The following CPA3 variants were observed in gnomAD, a reference collection of about 807,000 sequenced individuals.
CPA3 encodes the protein carboxypeptidase A3.
CPA3 carries 52 observed loss-of-function variants against 55.8 expected under a neutral mutation model. That is an observed-to-expected ratio of 0.93 (90% CI 0.75 to 1.17). The LOEUF (loss-of-function observed/expected upper bound fraction) is 1.17. Ranked by LOEUF, CPA3 falls within the 50% of genes most tolerant of loss-of-function variation. CPA3 has a pLI of 0.00. For synonymous variants in CPA3, 179 were observed against 171.2 expected, an observed-to-expected ratio of 1.05 and a Z score of -0.36; for missense variants, 547 against 509.1, an observed-to-expected ratio of 1.07 and a Z score of -0.72.
intron 10 of CPA3, among the ~76,000 whole-genome samples, chr3:148,888,634 G>A (rs972367051): frequency 2.0e-5 from 3 of 152,250 alleles, no homozygotes; most frequent in Non-Finnish European, 4.4e-5. Flanking sequence ...TGGCCACCCA[G>A]ACACCACATG....
chr3:148,893,995 C>T (rs751088046), intron 10 of CPA3, among the ~76,000 whole-genome samples: 1 of 152,128 alleles, frequency 6.6e-6, no homozygotes, highest in Admixed American at 6.5e-5. Flanking sequence ...ATGTGTGCCC[C>T]GCACACCTAC....
intron 9 of CPA3, among the ~76,000 whole-genome samples, chr3:148,884,659 G>A (rs1714477147): frequency 6.6e-6 from 1 of 151,998 alleles, no homozygotes; most frequent in Admixed American, 6.6e-5. Flanking sequence ...ATGTTAATTG[G>A]AGCAGAGACC....
chr3:148,871,473 T>A (rs1714066170), intron 3 of CPA3, among the ~76,000 whole-genome samples: 1 of 152,122 alleles, frequency 6.6e-6, no homozygotes, highest in African/African-American at 2.4e-5. Context: ...AATAGTGGAG[T>A]AAATCACTGT....
At chr3:148,892,694 C>T (rs1028704104) in intron 10 of CPA3, among the ~76,000 whole-genome samples, 2 of 151,342 alleles carry the variant, frequency 1.3e-5, no homozygotes, top group South Asian at 4.2e-4. Context: ...CAAAGCAAAA[C>T]TGTCTGGGTG....
chr3:148,870,509 T>A (rs1462484960), intron 3 of CPA3, among the ~76,000 whole-genome samples: 1 of 152,212 alleles, frequency 6.6e-6, no homozygotes, highest in Non-Finnish European at 1.5e-5. Context: ...ATTCACGGCT[T>A]TAAAGATAAC....
intron 6 of CPA3, among the ~76,000 whole-genome samples, chr3:148,881,262 C>T (rs1714358093): frequency 6.6e-6 from 1 of 152,142 alleles, no homozygotes; most frequent in Non-Finnish European, 1.5e-5. Context: ...TCTCATGCTA[C>T]ATTTGGAATG....
chr3:148,870,674 T>G (rs1210564731), intron 3 of CPA3, among the ~76,000 whole-genome samples: 1 of 151,916 alleles, frequency 6.6e-6, no homozygotes, highest in Non-Finnish European at 1.5e-5. Flanking sequence ...TATATATTTA[T>G]AAAAAAAACT....
chr3:148,883,885 T>C (rs1341859355), intron 9 of CPA3, 70 bp downstream of exon 9: 2 of 1,124,652 alleles, frequency 1.8e-6, no homozygotes, highest in Non-Finnish European at 1.3e-6. Flanking sequence ...CTTCATTAAC[T>C]TGGGTATGTT....
Position 148,896,680 on chromosome 3 carries a change from C to T in CPA3, c.1227C>T (p.Ala409=), listed in dbSNP as rs1476504654. The change falls in exon 11 of 11, where the codon GCC becomes GCT. Residue 409 remains alanine (A), a synonymous_variant. Coordinates refer to ENST00000296046, the MANE Select transcript of CPA3 (RefSeq NM_001870.4). ...CCATGCTAGCTGTCAAATTTATTGC[C>T]AAGTATATCCTCAAGCATACTTCCT... ...RETMLAVKFI[A]KYILKHTS is the part of the protein sequence containing the mutation. The T allele has an allele frequency of 5.8e-6, 9 of 1,548,246 alleles. No homozygotes were observed. Among genetic ancestry groups the T allele is most frequent in the Non-Finnish European group, 8.0e-6 (9 of 1,131,114 alleles).
At chr3:148,896,427 AT>A (rs992942238) in intron 10 of CPA3, 92 bp from the exon 11 acceptor site, 69 of 1,090,060 alleles carry the variant, frequency 6.3e-5, no homozygotes, top group African/African-American at 5.6e-4. Context: ...ACACATAACT[AT>A]TTTTTATTGC....
rs531490282 is a variant in CPA3, at chr3:148,893,793, C to G, written c.1067-2727C>G. Among the ~76,000 whole-genome samples the G allele has an allele frequency of 6.6e-5, 10 of 152,264 alleles. No individual in the cohort carries two copies. The South Asian group carries it at 2.1e-3, about 32-fold the overall frequency. ...GTAAAAGGAATCAGACAGAAATGAT[C>G]TAGAGTTAAAAACAGTTCCAGTGAC... is the stretch of plus-strand genomic sequence containing the variant. On this transcript the variant is annotated intron_variant, in intron 10 of 10. Coordinates refer to ENST00000296046, the MANE Select transcript of CPA3 (RefSeq NM_001870.4).
rs763766372 is a variant in CPA3 at position 148,886,156 on chromosome 3, G to A, written c.1045G>A (p.Gly349Ser). 2 of 1,611,140 alleles carry A rather than the reference G, an allele frequency of 1.2e-6. No individual in the cohort carries two copies. Among genetic ancestry groups the A allele is most frequent in the Non-Finnish European group, 1.7e-6 (2 of 1,178,130 alleles). ...STRYETRYIY[G>S]PIESTIYPIS... ...TCGATATGAAACCCGCTACATCTAT[G>A]GCCCAATAGAATCAACAATTTGTAA... Residue 349 changes from glycine (G) to serine (S), a missense_variant, in exon 10 of 11, where the codon GGC becomes AGC. Coordinates refer to ENST00000296046, the MANE Select transcript of CPA3 (RefSeq NM_001870.4).
Position 148,882,582 on chromosome 3 carries a change from T to C in CPA3, c.765T>C (p.Asn255=). The C allele has an allele frequency of 1.2e-6, 2 of 1,613,572 alleles. No individual in the cohort carries two copies. The highest frequency in any genetic ancestry group is 1.3e-5 in the African/African-American group (1 of 75,036). ...GCACTGACCTCAACAGGAATTTTAA[T>C]GCTTCATGGAACTGTGAGTAGCAGA... ...CIGTDLNRNF[N]ASWNSIPNTN... The change falls in exon 8 of 11, where the codon AAT becomes AAC. Residue 255 remains asparagine, a synonymous_variant. Transcript: ENST00000296046.
chr3:148,884,912 CA>C (rs1309476223), intron 9 of CPA3, among the ~76,000 whole-genome samples: 3 of 150,976 alleles, frequency 2.0e-5, no homozygotes, highest in Non-Finnish European at 2.9e-5. Flanking sequence ...TCTTGCATAG[CA>C]ACTAAATTGA....
chr3:148,895,269 C>A (rs1476419286), intron 10 of CPA3, among the ~76,000 whole-genome samples: 1 of 152,140 alleles, frequency 6.6e-6, no homozygotes, highest in Non-Finnish European at 1.5e-5. Flanking sequence ...GCTTTTCTAT[C>A]CTTGTAGTTC....
intron 10 of CPA3, among the ~76,000 whole-genome samples, chr3:148,889,235 T>C (rs1427005934): frequency 1.3e-5 from 2 of 152,154 alleles, no homozygotes; most frequent in Non-Finnish European, 2.9e-5. Flanking sequence ...AGCAAAGCAG[T>C]TGACTTGGTA....
At chr3:148,894,090 T>C (rs1363241583) in intron 10 of CPA3, among the ~76,000 whole-genome samples, 1 of 151,976 alleles carries the variant, frequency 6.6e-6, no homozygotes. Context: ...GGAAGAAAAA[T>C]GGATTCAGTA....
At position 148,883,726 on chromosome 3, in the gene CPA3, A is replaced by G; in HGVS notation, c.892A>G (p.Lys298Glu). 1 of 1,614,042 alleles carries G rather than the reference A, an allele frequency of 6.2e-7. No homozygotes were observed. The highest frequency in any genetic ancestry group is 8.5e-7 in the Non-Finnish European group (1 of 1,179,908). The stretch of plus-strand genomic sequence containing the variant: ...CATTAGAAGCCACCTGAATGAAATC[A>G]AGGTTTACATCACCTTCCATTCCTA... The part of the protein sequence containing the change: ...NFIRSHLNEI[K>E]VYITFHSYSQ... The change falls in exon 9 of 11, where the codon AAG becomes GAG. Residue 298 changes from lysine (K) to glutamate (E), a missense_variant. By Grantham distance (56) the Lys-to-Glu change is moderately conservative. Coordinates refer to ENST00000296046, the MANE Select transcript of CPA3 (RefSeq NM_001870.4).
At chr3:148,889,698 C>T (rs1254579050) in intron 10 of CPA3, among the ~76,000 whole-genome samples, 1 of 151,668 alleles carries the variant, frequency 6.6e-6, no homozygotes, top group African/African-American at 2.4e-5. Context: ...GGTGAAACCC[C>T]ATCTCTACTA....
Sources: allele counts gnomAD v4.1 joint callset (sites outside exome capture counted in the v4.1 genomes callset), GRCh38; gene constraint gnomAD v4.1.1; transcripts MANE v1.5; gene names NCBI Gene and HGNC (gene_info 2026-07-23, HGNC 2026-07-21).